PLXNA4: variants seen among roughly 807,000 people sequenced by gnomAD.
PLXNA4 encodes plexin-A4.
A neutral mutation model predicts 191.8 loss-of-function variants in PLXNA4; 44 were observed. The ratio of observed to expected loss-of-function variants is 0.23; its 90% CI spans 0.18 to 0.29. PLXNA4 has a LOEUF of 0.29. Ranked by LOEUF, PLXNA4 falls within the 10% of genes least tolerant of loss-of-function variation. PLXNA4 has a pLI of 1.00. For synonymous variants in PLXNA4, 1,082 were observed against 1,009.5 expected, an observed-to-expected ratio of 1.07 and a Z score of -1.36; for missense variants, 1,800 against 2,488.8, an observed-to-expected ratio of 0.72 and a Z score of 5.89.
intron 2 of PLXNA4, among the ~76,000 whole-genome samples, chr7:132,641,232 A>C (rs1803737791): frequency 6.6e-6 from 1 of 152,228 alleles, no homozygotes; most frequent in East Asian, 1.9e-4. Context: ...CTGCCATAAC[A>C]AAATGCCACA....
At chr7:132,350,694 T>A (rs894124061) in intron 3 of PLXNA4, among the ~76,000 whole-genome samples, 7 of 152,098 alleles carry the variant, frequency 4.6e-5, no homozygotes, top group African/African-American at 1.7e-4. Flanking sequence ...CTGGTGGGAA[T>A]GGAAGTGAGG....
intron 3 of PLXNA4, among the ~76,000 whole-genome samples, chr7:132,481,468 C>T (rs974059414): frequency 6.6e-6 from 1 of 152,036 alleles, no homozygotes; most frequent in African/African-American, 2.4e-5. Flanking sequence ...AGTTACCCAA[C>T]CCCTTTTCTC....
intron 2 of PLXNA4, among the ~76,000 whole-genome samples, chr7:132,596,795 A>C (rs956723600): frequency 1.3e-5 from 2 of 151,878 alleles, no homozygotes; most frequent in African/African-American, 4.8e-5. Flanking sequence ...TGATCATGCA[A>C]TAATTTCCCA....
intron 4 of PLXNA4, among the ~76,000 whole-genome samples, chr7:132,250,575 C>T (rs1799212926): frequency 2.0e-5 from 3 of 152,098 alleles, no homozygotes; most frequent in Non-Finnish European, 4.4e-5. Context: ...TCAGGAGGCC[C>T]GACTTCCTGA....
intron 25 of PLXNA4, among the ~76,000 whole-genome samples, chr7:132,149,822 C>G (rs1398003928): frequency 1.3e-5 from 2 of 152,204 alleles, no homozygotes; most frequent in Admixed American, 6.5e-5. Flanking sequence ...GATTCTCTTC[C>G]TCGTTTCCCT....
At chr7:132,245,200 GA>G (rs1347235417) in intron 4 of PLXNA4, among the ~76,000 whole-genome samples, 2 of 152,150 alleles carry the variant, frequency 1.3e-5, no homozygotes, top group Non-Finnish European at 2.9e-5. Context: ...AAGAAAGTAA[GA>G]GGGGCGGGGG....
At chr7:132,506,420 A>G (rs1164692141) in intron 2 of PLXNA4, among the ~76,000 whole-genome samples, 1 of 152,244 alleles carries the variant, frequency 6.6e-6, no homozygotes. Flanking sequence ...TGTCCAATGG[A>G]TACATTTTCC....
intron 3 of PLXNA4, among the ~76,000 whole-genome samples, chr7:132,483,619 C>G (rs895575893): frequency 6.6e-6 from 1 of 152,164 alleles, no homozygotes; most frequent in African/African-American, 2.4e-5. Context: ...TTGTGCAGCA[C>G]TTTCTTCAAT....
At chr7:132,163,839 A>G (rs1796019529) in intron 24 of PLXNA4, among the ~76,000 whole-genome samples, 1 of 152,192 alleles carries the variant, frequency 6.6e-6, no homozygotes, top group South Asian at 2.1e-4. Context: ...AGGACAGAAG[A>G]GTTCACCTGG....
At chr7:132,498,517 C>T (rs1798120302) in intron 2 of PLXNA4, among the ~76,000 whole-genome samples, 1 of 152,250 alleles carries the variant, frequency 6.6e-6, no homozygotes, top group Middle Eastern at 3.4e-3. Flanking sequence ...GAAAGTCCTG[C>T]CCCCATGATT....
chr7:132,186,050 G>T (rs910102796), intron 15 of PLXNA4, among the ~76,000 whole-genome samples: 1 of 152,178 alleles, frequency 6.6e-6, no homozygotes, highest in African/African-American at 2.4e-5. Flanking sequence ...TGCCAGGCCT[G>T]GCCAGGTCTG....
intron 3 of PLXNA4, among the ~76,000 whole-genome samples, chr7:132,409,162 A>G (rs1037313939): frequency 6.6e-6 from 1 of 152,136 alleles, no homozygotes; most frequent in African/African-American, 2.4e-5. Context: ...CAAACATCCA[A>G]ATTAATGGGG....
chr7:132,452,571 A>G (rs910303349), intron 3 of PLXNA4, among the ~76,000 whole-genome samples: 7 of 152,136 alleles, frequency 4.6e-5, no homozygotes, highest in African/African-American at 1.2e-4. Flanking sequence ...ACACTGCAAG[A>G]TATGGTCTGA....
At position 132,228,485 on chromosome 7, in the gene PLXNA4, C is replaced by A. The variant is rs1370591750; in HGVS notation, c.1605-16G>T. Reference sequence around the variant, plus strand: ...CCGGGTGCAACTGGGAAGGACATACCCTCGAGTTACTCAGGAGATGGCCGC... The same window carrying A: ...CCGGGTGCAACTGGGAAGGACATACACTCGAGTTACTCAGGAGATGGCCGC... On this transcript the variant is annotated splice_polypyrimidine_tract_variant and intron_variant, in intron 5 of 31. Coordinates refer to ENST00000321063, the MANE Select transcript of PLXNA4 (RefSeq NM_020911.2). The A allele has an allele frequency of 6.2e-7, 1 of 1,613,734 alleles. No individual in the cohort carries two copies. Among genetic ancestry groups the A allele is most frequent in the Non-Finnish European group, 8.5e-7 (1 of 1,179,696 alleles).
intron 3 of PLXNA4, among the ~76,000 whole-genome samples, chr7:132,314,800 C>A (rs187774437): frequency 6.6e-6 from 1 of 152,328 alleles, no homozygotes; most frequent in East Asian, 1.9e-4. Context: ...GGAAAGACTT[C>A]TTTGTTCCTC....
chr7:132,275,978 C>T (rs1800261972), intron 4 of PLXNA4, among the ~76,000 whole-genome samples: 2 of 152,222 alleles, frequency 1.3e-5, no homozygotes, highest in Non-Finnish European at 2.9e-5. Flanking sequence ...TTCATTTATG[C>T]AGAAAGAGCT....
chr7:132,618,435 A>C (rs753378081), intron 2 of PLXNA4, among the ~76,000 whole-genome samples: 1 of 152,010 alleles, frequency 6.6e-6, no homozygotes, highest in Non-Finnish European at 1.5e-5. Context: ...AGGCCCTGGC[A>C]CTTGGTAGGT....
chr7:132,381,265 C>T (rs1251019587), intron 3 of PLXNA4, among the ~76,000 whole-genome samples: 1 of 152,184 alleles, frequency 6.6e-6, no homozygotes, highest in Non-Finnish European at 1.5e-5. Context: ...AGGACTCAAA[C>T]TCACATCTGC....
intron 2 of PLXNA4, among the ~76,000 whole-genome samples, chr7:132,500,486 AG>A (rs1371399716): frequency 6.6e-6 from 1 of 151,912 alleles, no homozygotes; most frequent in Non-Finnish European, 1.5e-5. Flanking sequence ...GGGGAGGGGA[AG>A]GGGAAGGGGA....
Sources: gnomAD v4.1 joint callset for allele counts (sites outside exome capture counted in the v4.1 genomes callset) on GRCh38, gnomAD v4.1.1 for gene constraint, MANE v1.5 for transcripts, NCBI Gene and HGNC (gene_info 2026-07-23, HGNC 2026-07-21) for gene names.